The following EBF3 variants were observed in gnomAD, a reference collection of about 807,000 sequenced individuals.
EBF3 encodes transcription factor COE3.
A neutral mutation model predicts 77.1 loss-of-function variants in EBF3; 18 were observed. That is an observed-to-expected ratio of 0.23 (90% CI 0.16 to 0.35). EBF3 has a LOEUF of 0.35. EBF3 is among the 10% of genes least tolerant of loss of function. EBF3 has a pLI of 1.00. For missense variants in EBF3, 558 were observed against 860.0 expected (o/e 0.65, Z 4.39); for synonymous variants, 350 against 343.5 (o/e 1.02, Z -0.21).
At chr10:129,840,157 C>G in intron 15 of EBF3, 88 bp downstream of exon 15, 1 of 1,457,002 alleles carries the variant, frequency 6.9e-7, no homozygotes, top group Non-Finnish European at 9.2e-7. Flanking sequence ...ACAGAGGTGC[C>G]AGGAGAAAGG....
chr10:129,865,470 C>G (rs1851938391), intron 10 of EBF3, among the ~76,000 whole-genome samples: 1 of 152,204 alleles, frequency 6.6e-6, no homozygotes, highest in Non-Finnish European at 1.5e-5. Flanking sequence ...ATGCCCACCT[C>G]CCCTGTGGTC....
At chr10:129,916,851 G>A (rs1251231699) in intron 6 of EBF3, among the ~76,000 whole-genome samples, 2 of 152,204 alleles carry the variant, frequency 1.3e-5, no homozygotes, top group African/African-American at 4.8e-5. Context: ...GGTGCTCCCT[G>A]GGAAATGGGG....
At chr10:129,911,310 G>A (rs576106137) in intron 6 of EBF3, among the ~76,000 whole-genome samples, 61 of 152,208 alleles carry the variant, frequency 4.0e-4, no homozygotes, top group Non-Finnish European at 7.2e-4. Flanking sequence ...CCCACAGCCA[G>A]CTGGATAGAA....
chr10:129,926,254 C>T (rs1020950099), intron 6 of EBF3, among the ~76,000 whole-genome samples: 9 of 152,148 alleles, frequency 5.9e-5, no homozygotes, highest in African/African-American at 2.2e-4. Flanking sequence ...AATGGCGGAA[C>T]GCACACCTTG....
intron 15 of EBF3, among the ~76,000 whole-genome samples, chr10:129,840,009 G>A (rs1040335119): frequency 1.3e-5 from 2 of 152,268 alleles, no homozygotes; most frequent in South Asian, 2.1e-4. Flanking sequence ...ACTAGGTGCC[G>A]TCGGAAGGGT....
Position 129,897,775 on chromosome 10 carries a change from A to G in EBF3, c.555-19926T>C, listed in dbSNP as rs1854497088. On this transcript the variant is annotated intron_variant, in intron 6 of 16. Transcript: ENST00000440978. This position sits in a 1 kb window ranked among gnomAD's most constrained non-coding sequence, Gnocchi z 4.6. ...ATTTTCCCCAGTTTCTTGAAATGAC[A>G]TCTTACTTTCCTACATTTATCGTGA... is the stretch of plus-strand genomic sequence containing the variant. 6.6e-6 allele frequency among the ~76,000 whole-genome samples: 1 copy of G among 152,198 alleles called. No homozygotes were observed. The highest frequency in any genetic ancestry group is 2.1e-4 in the South Asian group (1 of 4,826).
At chr10:129,915,066 G>C (rs1029127809) in intron 6 of EBF3, among the ~76,000 whole-genome samples, 9 of 152,202 alleles carry the variant, frequency 5.9e-5, no homozygotes, top group African/African-American at 2.2e-4. Context: ...GCTCCTCACT[G>C]TGTGAAGAGG....
At chr10:129,931,613 C>T (rs1199617036) in intron 6 of EBF3, among the ~76,000 whole-genome samples, 2 of 152,284 alleles carry the variant, frequency 1.3e-5, no homozygotes, top group African/African-American at 4.8e-5. Flanking sequence ...TTCTAACTTG[C>T]TCTTGATGTC....
intron 6 of EBF3, among the ~76,000 whole-genome samples, chr10:129,893,072 C>A (rs1056023012): frequency 2.0e-5 from 3 of 152,222 alleles, no homozygotes; most frequent in African/African-American, 4.8e-5. Context: ...TTTCAATAGT[C>A]CTATGACAAT....
intron 4 of EBF3, among the ~76,000 whole-genome samples, chr10:129,960,942 C>T (rs1022915922): frequency 6.6e-6 from 1 of 152,200 alleles, no homozygotes; most frequent in African/African-American, 2.4e-5. Flanking sequence ...CAGAAGGGCA[C>T]ACCGCCTCTG....
intron 6 of EBF3, among the ~76,000 whole-genome samples, chr10:129,911,097 G>A (rs913639214): frequency 1.3e-5 from 2 of 152,206 alleles, no homozygotes; most frequent in African/African-American, 2.4e-5. Flanking sequence ...CATGGAGAAC[G>A]GGGTCATTCC....
At chr10:129,877,660 A>G (rs1320938970) in intron 7 of EBF3, 108 bp downstream of exon 7, 3 of 893,368 alleles carry the variant, frequency 3.4e-6, no homozygotes, top group Non-Finnish European at 5.3e-6. Context: ...TTTGCTTCCA[A>G]GCCCTTAAAG....
rs1365478461 is a variant in EBF3, at chr10:129,848,602, C to A, written c.1040-122G>T. On this transcript the variant is annotated intron_variant, in intron 10 of 16. Transcript: ENST00000440978. This position sits in a 1 kb window ranked among gnomAD's most constrained non-coding sequence, Gnocchi z 4.4. ...GCTCTGATGCTCTCTAAGGCAAGCA[C>A]CCCTGAATACTAGCTGTGTCTTAAG... The A allele has an allele frequency of 2.1e-6, 2 of 959,260 alleles. No homozygotes were observed. Among genetic ancestry groups the A allele is most frequent in the Admixed American group, 1.8e-5 (1 of 55,224 alleles). The allele number at this position is 959,260 out of a possible 1,614,324, so 59.4% of individuals were successfully genotyped here.
At chr10:129,839,386 C>T (rs1001127416) in intron 15 of EBF3, among the ~76,000 whole-genome samples, 191 bp from the exon 16 acceptor site, 1 of 152,326 alleles carries the variant, frequency 6.6e-6, no homozygotes, top group South Asian at 2.1e-4. Flanking sequence ...GTTCATGAGG[C>T]CTGGGGGCAC....
chr10:129,838,480 A>G (rs1272231150), intron 16 of EBF3, among the ~76,000 whole-genome samples: 2 of 152,090 alleles, frequency 1.3e-5, no homozygotes, highest in Non-Finnish European at 2.9e-5. Context: ...ATCTCTCTGT[A>G]TCGTAATGGT....
Position 129,836,217 on chromosome 10 carries a change from T to G in EBF3, c.*1726A>C, listed in dbSNP as rs758706777. On this transcript the variant is annotated 3_prime_UTR_variant, in exon 17 of 17. Transcript: ENST00000440978. ...TGTGATAAAATAGCACAAAGGTTCT[T>G]TAAAGAAGTTCACTTTTAAGGCATC... 2.0e-5 allele frequency: 3 copies of G among 152,642 alleles called. No individual in the cohort carries two copies. Among genetic ancestry groups the G allele is most frequent in the Non-Finnish European group, 2.9e-5 (2 of 68,034 alleles). 9.5% of individuals were successfully genotyped at this position (152,642 alleles called of 1,614,324 possible).
At chr10:129,913,586 C>G (rs1213498162) in intron 6 of EBF3, among the ~76,000 whole-genome samples, 8 of 152,280 alleles carry the variant, frequency 5.3e-5, no homozygotes. Flanking sequence ...GCTGCAACCT[C>G]GAGCACCCCC....
intron 10 of EBF3, among the ~76,000 whole-genome samples, chr10:129,858,524 T>C (rs928477631): frequency 1.3e-5 from 2 of 152,118 alleles, no homozygotes; most frequent in Admixed American, 6.5e-5. Context: ...ACCAAGTGGG[T>C]CTTCCGAACT....
chr10:129,875,446 T>G (rs1030146662), intron 7 of EBF3, among the ~76,000 whole-genome samples: 1 of 152,180 alleles, frequency 6.6e-6, no homozygotes, highest in African/African-American at 2.4e-5. Flanking sequence ...TCCACCCGCC[T>G]CAGCCTCTCA....
Sources: allele counts gnomAD v4.1 joint callset (sites outside exome capture counted in the v4.1 genomes callset), GRCh38; gene constraint gnomAD v4.1.1; non-coding constraint Gnocchi (gnomAD v3.1); transcripts MANE v1.5; gene names NCBI Gene and HGNC (gene_info 2026-07-23, HGNC 2026-07-21).